Variants in KCNT1 observed in about 807,000 individuals in gnomAD.
KCNT1 encodes potassium sodium-activated channel subfamily T member 1.
KCNT1 carries 78 observed loss-of-function variants against 147.8 expected under a neutral mutation model. That is an observed-to-expected ratio of 0.53 (90% CI 0.44 to 0.64). The LOEUF is 0.64. Ranked by LOEUF, KCNT1 falls within the 30% of genes least tolerant of loss-of-function variation. The pLI, the probability that KCNT1 is intolerant of heterozygous loss-of-function variation, is 0.00. For synonymous variants in KCNT1, 867 were observed against 748.8 expected, an observed-to-expected ratio of 1.16 and a Z score of -2.58; for missense variants, 1,419 against 1,750.3, an observed-to-expected ratio of 0.81 and a Z score of 3.38.
rs1208331983 is a variant in KCNT1, at chr9:135,793,165, C to T, written c.*1004C>T. The T allele has an allele frequency of 6.6e-6, 1 of 152,226 alleles. No homozygotes were observed. Among genetic ancestry groups the T allele is most frequent in the Non-Finnish European group, 1.5e-5 (1 of 68,076 alleles). The allele number at this position is 152,226 out of a possible 1,614,324, so 9.4% of individuals were successfully genotyped here. A position where few individuals can be genotyped will look rare whatever the true frequency, so the allele number is the denominator to read the frequency against. Reference sequence around the variant, plus strand: ...TGAAGTTACAAGTCAAGTCGCCCTGCTCGTGTTTCCAAGGCTCTCACCCCT... The same window carrying T: ...TGAAGTTACAAGTCAAGTCGCCCTGTTCGTGTTTCCAAGGCTCTCACCCCT... On this transcript the variant is annotated 3_prime_UTR_variant, in exon 31 of 31. Transcript: ENST00000371757.
At position 135,714,788 on chromosome 9, in the gene KCNT1, C is replaced by A; in HGVS notation, c.254+68C>A. On this transcript the variant is annotated intron_variant, in intron 2 of 30. Transcript: ENST00000371757. The surrounding 1 kb of genome is among the most constrained non-coding windows in gnomAD (Gnocchi z 6.2). ...GCGCCGCCGCACGCCCGGAGCTGTC[C>A]GCGGTGCTGACGGCCGGTCCCGCGC... 1 of 1,093,328 alleles carries A rather than the reference C, an allele frequency of 9.1e-7. No individual in the cohort carries two copies. Among genetic ancestry groups the A allele is most frequent in the Non-Finnish European group, 1.1e-6 (1 of 884,308 alleles). 67.7% of individuals were successfully genotyped at this position (1,093,328 alleles called of 1,614,324 possible). A position where few individuals can be genotyped will look rare whatever the true frequency, so the allele number is the denominator to read the frequency against.
chr9:135,750,121 A>G lies in KCNT1; in HGVS notation c.278A>G (p.Asn93Ser). The G allele has an allele frequency of 6.2e-7, 1 of 1,613,838 alleles. No homozygotes were observed. The highest frequency in any genetic ancestry group is 8.5e-7 in the Non-Finnish European group (1 of 1,179,932). ...DDRVQVEFYV[N>S]ENTFKERLKL... The stretch of plus-strand genomic sequence containing the variant: ...AGGGTCCAGGTGGAGTTCTACGTCA[A>G]CGAGAACACCTTCAAGGAGCGGCTC... The change falls in exon 3 of 31, where the codon AAC becomes AGC. Residue 93 changes from asparagine (N) to serine (S), a missense_variant. This residue lies in a region of KCNT1 where 181 missense variants were observed against 155.7 expected (regional missense o/e 1.16). Transcript: ENST00000371757.
intron 3 of KCNT1, chr9:135,750,581 A>G: frequency 3.2e-6 from 1 of 314,550 alleles, no homozygotes; most frequent in Non-Finnish European, 6.0e-6. Context: ...AGAGCTTGGC[A>G]TCATGCTCCC....
intron 4 of KCNT1, among the ~76,000 whole-genome samples, chr9:135,753,136 G>A (rs974242606): frequency 1.2e-4 from 16 of 131,184 alleles, no homozygotes; most frequent in Admixed American, 6.0e-4. Flanking sequence ...TGGAGAAGTG[G>A]ATGGATGGAT....
intron 2 of KCNT1, among the ~76,000 whole-genome samples, chr9:135,739,114 C>T (rs975156741): frequency 6.6e-6 from 1 of 152,120 alleles, no homozygotes; most frequent in Non-Finnish European, 1.5e-5. Context: ...TCTCCGGGGC[C>T]GTTCCCCCAG....
At chr9:135,790,131 G>A (rs1457888597) in intron 29 of KCNT1, 21 of 152,276 alleles carry the variant, frequency 1.4e-4, no homozygotes, top group Admixed American at 1.4e-3. Context: ...GCCTGCCGGA[G>A]TGAAATGAGC....
chr9:135,759,955 G>C (rs1459948444), intron 11 of KCNT1, 96 bp downstream of exon 11: 132 of 1,193,872 alleles, frequency 1.1e-4, no homozygotes, highest in Non-Finnish European at 1.5e-4. Context: ...GCACAGTGCG[G>C]GGGCCACTCC....
At chr9:135,791,414 C>CCGT in intron 29 of KCNT1, 19 of 258,300 alleles carry the variant, frequency 7.4e-5, no homozygotes, top group East Asian at 2.0e-4. Flanking sequence ...TGAAGGCATG[C>CCGT]ATGCATGTGA....
At chr9:135,786,140 C>T (rs764671361) in intron 28 of KCNT1, 57 bp from the exon 29 acceptor site, 22 of 1,515,798 alleles carry the variant, frequency 1.5e-5, no homozygotes, top group Non-Finnish European at 1.9e-5. Context: ...CCCCAAAGCC[C>T]GCGACCCTCC....
chr9:135,717,367 T>A (rs960861356), intron 2 of KCNT1, among the ~76,000 whole-genome samples: 1 of 152,044 alleles, frequency 6.6e-6, no homozygotes, highest in Non-Finnish European at 1.5e-5. Context: ...TGAGAGTGGT[T>A]CCCCACTTCT....
chr9:135,768,416 GCCT>G, intron 13 of KCNT1, 191 bp from the exon 14 acceptor site: 1 of 544,942 alleles, frequency 1.8e-6, no homozygotes, highest in Non-Finnish European at 3.2e-6. Context: ...GAGAGTAGGG[GCCT>G]CCTCCCGCCT....
chr9:135,721,331 T>A (rs921420348), intron 2 of KCNT1, among the ~76,000 whole-genome samples: 5 of 152,162 alleles, frequency 3.3e-5, no homozygotes, highest in African/African-American at 1.2e-4. Flanking sequence ...TTTAACATTC[T>A]GCCCGGGGCC....
chr9:135,780,844 G>A (rs1056124830), intron 24 of KCNT1, among the ~76,000 whole-genome samples: 4 of 152,224 alleles, frequency 2.6e-5, no homozygotes, highest in South Asian at 2.1e-4. Context: ...AGGACTCTCC[G>A]GATCTGGAAG....
At chr9:135,759,419 G>T (rs1047223349) in intron 10 of KCNT1, among the ~76,000 whole-genome samples, 1 of 152,218 alleles carries the variant, frequency 6.6e-6, no homozygotes, top group Non-Finnish European at 1.5e-5. Flanking sequence ...GGAATTCGCC[G>T]TGAACAGAGG....
intron 1 of KCNT1, among the ~76,000 whole-genome samples, chr9:135,705,954 G>A (rs1835237960): frequency 6.6e-6 from 1 of 152,174 alleles, no homozygotes. Flanking sequence ...CAGAGGTGGG[G>A]GCATCAGGAG....
rs34257069 is a variant in KCNT1, at chr9:135,773,226, A to T, written c.2243+277A>T. Among the ~76,000 whole-genome samples the T allele has an allele frequency of 0.17, 25,158 of 152,110 alleles. 2,258 individuals carry two copies. Among genetic ancestry groups the T allele is most frequent in the African/African-American group, 0.2 (8,401 of 41,496 alleles). On this transcript the variant is annotated intron_variant, in intron 19 of 30. Transcript: ENST00000371757. ...CAGTTGGGGCTGGGGGTGCAGAGCT[A>T]ATTGGAGCGAGGCAGCTCACTGGCA...
intron 1 of KCNT1, among the ~76,000 whole-genome samples, chr9:135,706,787 TGACCCCAGCCACATTGAG>T (rs1357371885): frequency 6.6e-6 from 1 of 152,174 alleles, no homozygotes; most frequent in Non-Finnish European, 1.5e-5. Context: ...TAGATTTTCC[TGACCCCAGCCACATTGAG>T]GGAGGGGGCT....
At chr9:135,791,428 G>A in intron 29 of KCNT1, 22 of 258,542 alleles carry the variant, frequency 8.5e-5, no homozygotes, top group South Asian at 2.7e-4. Context: ...CATGTGAGGT[G>A]AACAGACACG....
intron 18 of KCNT1, among the ~76,000 whole-genome samples, chr9:135,772,371 C>T (rs1832816610): frequency 1.3e-5 from 2 of 152,200 alleles, no homozygotes; most frequent in Non-Finnish European, 2.9e-5. Flanking sequence ...ACCAGGCAGC[C>T]TGACCAGCTG....
Sources: gnomAD v4.1 joint callset for allele counts (sites outside exome capture counted in the v4.1 genomes callset) on GRCh38, gnomAD v4.1.1 for gene constraint, gnomAD v4.1.1 regional missense constraint, Gnocchi (gnomAD v3.1) non-coding constraint, MANE v1.5 for transcripts, NCBI Gene and HGNC (gene_info 2026-07-23, HGNC 2026-07-21) for gene names.